The following DCC variants were observed in gnomAD, a reference collection of about 807,000 sequenced individuals.
The protein encoded by DCC is DCC netrin 1 receptor, also known as netrin receptor DCC.
A neutral mutation model predicts 172.5 loss-of-function variants in DCC; 58 were observed. That is an observed-to-expected ratio of 0.34 (90% CI 0.27 to 0.42). DCC has a LOEUF of 0.42. Among genes scored for constraint, DCC ranks in the 10% least tolerant of loss-of-function variants. DCC has a pLI of 1.00. For synonymous variants in DCC, 709 were observed against 644.5 expected (o/e 1.10, Z -1.52); for missense variants, 1,740 against 1,791.0 (o/e 0.97, Z 0.51).
At chr18:53,345,032 G>C (rs781432701) in intron 15 of DCC, among the ~76,000 whole-genome samples, 6 of 151,812 alleles carry the variant, frequency 4.0e-5, no homozygotes, top group Non-Finnish European at 8.8e-5. Flanking sequence ...TCTGCTATTA[G>C]AGCATGAAAG....
chr18:53,362,694 T>C (rs1220779251), intron 15 of DCC, among the ~76,000 whole-genome samples: 1 of 152,208 alleles, frequency 6.6e-6, no homozygotes, highest in Non-Finnish European at 1.5e-5. Context: ...TTTAAACTGC[T>C]TTTTAATGTG....
At chr18:52,778,043 A>T (rs570645354) in intron 2 of DCC, among the ~76,000 whole-genome samples, 24 of 152,368 alleles carry the variant, frequency 1.6e-4, no homozygotes, top group African/African-American at 5.5e-4. Context: ...CAATATAGAT[A>T]ATCCAAATAG....
chr18:53,364,811 G>C (rs1458078599), intron 15 of DCC, among the ~76,000 whole-genome samples: 2 of 151,964 alleles, frequency 1.3e-5, no homozygotes, highest in African/African-American at 4.8e-5. Flanking sequence ...GGCTTGTAAA[G>C]GTGTCCTAAC....
intron 7 of DCC, among the ~76,000 whole-genome samples, chr18:53,112,853 G>A (rs2043353136): frequency 6.6e-6 from 1 of 151,464 alleles, no homozygotes; most frequent in Non-Finnish European, 1.5e-5. Context: ...TTAGCTTTCA[G>A]CATCCAATTG....
At chr18:53,421,474 C>A (rs148808783) in intron 21 of DCC, among the ~76,000 whole-genome samples, 4 of 152,146 alleles carry the variant, frequency 2.6e-5, no homozygotes, top group Admixed American at 2.6e-4. Flanking sequence ...GAGAAGAGGC[C>A]TACGTACATA....
intron 1 of DCC, among the ~76,000 whole-genome samples, chr18:52,511,357 A>G (rs1160791285): frequency 6.6e-6 from 1 of 152,120 alleles, no homozygotes; most frequent in Non-Finnish European, 1.5e-5. Context: ...AATTATGTAG[A>G]TAAAAGCTCT....
intron 1 of DCC, among the ~76,000 whole-genome samples, chr18:52,527,241 A>G (rs2032010811): frequency 6.6e-6 from 1 of 152,214 alleles, no homozygotes; most frequent in Non-Finnish European, 1.5e-5. Flanking sequence ...CTTTTTTTCA[A>G]TTATGCAGTA....
At chr18:52,592,323 A>G (rs574095080) in intron 1 of DCC, among the ~76,000 whole-genome samples, 3 of 152,300 alleles carry the variant, frequency 2.0e-5, no homozygotes, top group South Asian at 2.1e-4. Flanking sequence ...TCAGAATTTG[A>G]TTAATATAAT....
chr18:53,369,102 T>C (rs1052793769), intron 15 of DCC, among the ~76,000 whole-genome samples: 2 of 152,016 alleles, frequency 1.3e-5, no homozygotes, highest in Admixed American at 1.3e-4. Context: ...TTAAAGTCTT[T>C]AATTTCTTTT....
intron 12 of DCC, among the ~76,000 whole-genome samples, chr18:53,303,428 C>A (rs749739744): frequency 3.3e-5 from 5 of 152,152 alleles, no homozygotes; most frequent in Non-Finnish European, 5.9e-5. Context: ...ACTTTTTCCA[C>A]TTCCTTTATG....
At chr18:52,794,161 T>C (rs1161237587) in intron 2 of DCC, among the ~76,000 whole-genome samples, 1 of 151,816 alleles carries the variant, frequency 6.6e-6, no homozygotes, top group East Asian at 1.9e-4. Context: ...AAATTTTAGT[T>C]TTTTTTTATA....
intron 2 of DCC, among the ~76,000 whole-genome samples, chr18:52,877,530 A>G (rs1349880215): frequency 6.6e-6 from 1 of 152,014 alleles, no homozygotes; most frequent in East Asian, 1.9e-4. Context: ...GCAACATGGT[A>G]AGACTGTCTC....
chr18:53,408,869 T>C (rs569149648), intron 19 of DCC, among the ~76,000 whole-genome samples: 2 of 152,176 alleles, frequency 1.3e-5, no homozygotes, highest in Non-Finnish European at 2.9e-5. Context: ...GGCTTCCAGA[T>C]GTTGGAGATT....
chr18:52,792,776 T>A (rs902058316), intron 2 of DCC, among the ~76,000 whole-genome samples: 1 of 150,608 alleles, frequency 6.6e-6, no homozygotes, highest in African/African-American at 2.5e-5. Flanking sequence ...TTCTATTCCA[T>A]TCCATTCCAT....
chr18:52,619,136 C>T (rs988111011), intron 1 of DCC, among the ~76,000 whole-genome samples: 1 of 152,122 alleles, frequency 6.6e-6, no homozygotes, highest in Non-Finnish European at 1.5e-5. Flanking sequence ...CAAGGTTTCA[C>T]CATGTTGGCC....
intron 1 of DCC, among the ~76,000 whole-genome samples, chr18:52,380,302 T>G (rs973994514): frequency 3.9e-5 from 6 of 152,138 alleles, no homozygotes; most frequent in Non-Finnish European, 8.8e-5. Context: ...CTGAGATAAA[T>G]GAGGTATTGT....
chr18:52,576,587 T>C (rs1390424281), intron 1 of DCC, among the ~76,000 whole-genome samples: 2 of 152,116 alleles, frequency 1.3e-5, no homozygotes, highest in Non-Finnish European at 2.9e-5. Context: ...CCCAGCAGTT[T>C]GGGAGGCCGA....
chr18:52,967,359 T>C (rs2040951720), intron 5 of DCC, among the ~76,000 whole-genome samples: 1 of 152,198 alleles, frequency 6.6e-6, no homozygotes, highest in African/African-American at 2.4e-5. Context: ...ACTATTTATT[T>C]GATTTGCAGG....
intron 2 of DCC, among the ~76,000 whole-genome samples, chr18:52,887,017 C>G (rs916491590): frequency 4.6e-5 from 7 of 152,140 alleles, no homozygotes; most frequent in Non-Finnish European, 8.8e-5. Flanking sequence ...GCAGTGCCCT[C>G]CTAGGCTCTT....
Sources: allele counts gnomAD v4.1 joint callset (sites outside exome capture counted in the v4.1 genomes callset), GRCh38; gene constraint gnomAD v4.1.1; transcripts MANE v1.5; gene names NCBI Gene and HGNC (gene_info 2026-07-23, HGNC 2026-07-21).